The following PPARGC1A variants were observed in gnomAD, a reference collection of about 807,000 sequenced individuals.
PPARGC1A encodes the protein PPARG coactivator 1 alpha.
A neutral mutation model predicts 88.7 loss-of-function variants in PPARGC1A; 25 were observed. That is an observed-to-expected ratio of 0.28 (90% CI 0.21 to 0.39). The LOEUF (loss-of-function observed/expected upper bound fraction) is 0.39. PPARGC1A is among the 10% of genes least tolerant of loss of function. The pLI, the probability that PPARGC1A is intolerant of heterozygous loss-of-function variation, is 1.00. For missense variants in PPARGC1A, 880 were observed against 968.7 expected, an observed-to-expected ratio of 0.91 and a Z score of 1.22; for synonymous variants, 363 against 355.6, an observed-to-expected ratio of 1.02 and a Z score of -0.24.
At chr4:24,206,987 C>CTCCG in the PPARGC1A span, among the ~76,000 whole-genome samples, 3 of 151,556 alleles carry the variant, frequency 2.0e-5, no homozygotes, top group Non-Finnish European at 4.4e-5. Flanking sequence ...GCTTTAAACC[C>CTCCG]TCCGTCTCTC....
the PPARGC1A span, among the ~76,000 whole-genome samples, chr4:24,129,383 G>C: frequency 1.3e-5 from 2 of 152,308 alleles, no homozygotes; most frequent in South Asian, 2.1e-4. Flanking sequence ...AAATGCCAAA[G>C]TCTACATGTT....
chr4:23,833,504 C>T (rs1276494334), intron 2 of PPARGC1A, among the ~76,000 whole-genome samples: 1 of 152,162 alleles, frequency 6.6e-6, no homozygotes, highest in Non-Finnish European at 1.5e-5. Context: ...CTGCTGACAT[C>T]TAATGAAGCT....
chr4:24,399,153 C>T, the PPARGC1A span, among the ~76,000 whole-genome samples: 2 of 149,638 alleles, frequency 1.3e-5, no homozygotes, highest in African/African-American at 2.5e-5. Context: ...GAAAACTCAG[C>T]TTATGCTTCC....
chr4:24,175,375 G>GT, the PPARGC1A span, among the ~76,000 whole-genome samples: 698 of 114,928 alleles, frequency 6.1e-3, 1 homozygote, highest in South Asian at 9.8e-3. Flanking sequence ...TCTTTGTTTC[G>GT]TTTTTTTTTT....
the PPARGC1A span, among the ~76,000 whole-genome samples, chr4:24,403,588 A>G: frequency 2.0e-5 from 3 of 152,190 alleles, no homozygotes; most frequent in South Asian, 4.1e-4. Context: ...TGACAGCATA[A>G]GACCAGAAAG....
chr4:24,385,038 T>A, the PPARGC1A span, among the ~76,000 whole-genome samples: 3 of 152,066 alleles, frequency 2.0e-5, no homozygotes, highest in Admixed American at 2.0e-4. Context: ...TAACAAACAG[T>A]CTCTCAGACC....
chr4:23,873,210 T>C (rs13106375), intron 2 of PPARGC1A, among the ~76,000 whole-genome samples: 4 of 104,742 alleles, frequency 3.8e-5, no homozygotes, highest in Non-Finnish European at 3.9e-5. Flanking sequence ...AAATAAAAAA[T>C]AAAAAATAAA....
the PPARGC1A span, among the ~76,000 whole-genome samples, chr4:23,914,918 T>G: frequency 5.3e-5 from 8 of 152,362 alleles, no homozygotes; most frequent in Non-Finnish European, 8.8e-5. Flanking sequence ...TTGTCATCAA[T>G]TAACAGCAAT....
chr4:23,933,584 G>C, the PPARGC1A span, among the ~76,000 whole-genome samples: 3 of 152,178 alleles, frequency 2.0e-5, no homozygotes, highest in East Asian at 3.9e-4. Context: ...TTAATATTAA[G>C]GAAAATAGCC....
At chr4:24,057,993 T>C in the PPARGC1A span, among the ~76,000 whole-genome samples, 2 of 152,092 alleles carry the variant, frequency 1.3e-5, no homozygotes, top group Non-Finnish European at 2.9e-5. Context: ...GAGTGATTGA[T>C]TGGAGAGAAG....
At chr4:24,063,759 C>G in the PPARGC1A span, among the ~76,000 whole-genome samples, 1 of 152,180 alleles carries the variant, frequency 6.6e-6, no homozygotes, top group Non-Finnish European at 1.5e-5. Context: ...GCTAATGCAT[C>G]TCGACAGTCA....
chr4:24,157,541 C>T, the PPARGC1A span, among the ~76,000 whole-genome samples: 1 of 152,132 alleles, frequency 6.6e-6, no homozygotes, highest in Admixed American at 6.6e-5. Flanking sequence ...TCTGCCTCTT[C>T]CTGGATGAGT....
chr4:24,212,256 C>T, the PPARGC1A span, among the ~76,000 whole-genome samples: 1 of 152,202 alleles, frequency 6.6e-6, no homozygotes, highest in Admixed American at 6.5e-5. Flanking sequence ...GCTTTGATAT[C>T]TGCACATCCT....
chr4:24,260,794 T>A, the PPARGC1A span, among the ~76,000 whole-genome samples: 1 of 56 alleles, frequency 0.018, no homozygotes, highest in East Asian at 0.5. Context: ...TTAATGGTAT[T>A]ATATTGAATC....
chr4:24,177,619 T>TTAAATAAA, the PPARGC1A span, among the ~76,000 whole-genome samples: 51 of 124,932 alleles, frequency 4.1e-4, no homozygotes, highest in East Asian at 1.8e-3. Flanking sequence ...TCAAGTATAA[T>TTAAATAAA]TAAATAAATA....
chr4:23,915,866 G>T, the PPARGC1A span, among the ~76,000 whole-genome samples: 1 of 152,182 alleles, frequency 6.6e-6, no homozygotes, highest in Non-Finnish European at 1.5e-5. Flanking sequence ...AAAGTATTTG[G>T]AGCAGAAGAT....
the PPARGC1A span, among the ~76,000 whole-genome samples, chr4:24,102,002 C>T: frequency 2.6e-5 from 4 of 152,172 alleles, no homozygotes; most frequent in African/African-American, 9.7e-5. Flanking sequence ...GCAACCATTA[C>T]AGCTGCAAGT....
chr4:24,470,297 C>CACAA, the PPARGC1A span, among the ~76,000 whole-genome samples: 1 of 144,842 alleles, frequency 6.9e-6, no homozygotes, highest in Non-Finnish European at 1.5e-5. This position sits in a 1 kb window ranked among gnomAD's most constrained non-coding sequence, Gnocchi z 5.8. Context: ...CACACACACA[C>CACAA]ACACACACAC....
the PPARGC1A span, among the ~76,000 whole-genome samples, chr4:24,415,773 TATTA>T: frequency 6.6e-6 from 1 of 152,242 alleles, no homozygotes; most frequent in Non-Finnish European, 1.5e-5. Flanking sequence ...AAATATTCTG[TATTA>T]GTTATAAATT....
Sources: allele counts gnomAD v4.1 joint callset (sites outside exome capture counted in the v4.1 genomes callset), GRCh38; gene constraint gnomAD v4.1.1; non-coding constraint Gnocchi (gnomAD v3.1); transcripts MANE v1.5; gene names NCBI Gene and HGNC (gene_info 2026-07-23, HGNC 2026-07-21).